EPHA6: variants seen among roughly 807,000 people sequenced by gnomAD.
The protein encoded by EPHA6 is EPH receptor A6.
A neutral mutation model predicts 112.0 loss-of-function variants in EPHA6; 50 were observed. That is an observed-to-expected ratio of 0.45 (90% CI 0.36 to 0.56). The LOEUF is 0.56. Among genes scored for constraint, EPHA6 ranks in the 20% least tolerant of loss-of-function variants. EPHA6 has a pLI of 0.00. For synonymous variants in EPHA6, 529 were observed against 490.7 expected (o/e 1.08, Z -1.03); for missense variants, 1,280 against 1,417.4 (o/e 0.90, Z 1.56).
At chr3:97,399,535 T>C (rs2086870288) in intron 5 of EPHA6, among the ~76,000 whole-genome samples, 1 of 151,826 alleles carries the variant, frequency 6.6e-6, no homozygotes, top group South Asian at 2.1e-4. Context: ...ATGACTGCAC[T>C]AATTTACATT....
intron 5 of EPHA6, among the ~76,000 whole-genome samples, chr3:97,389,931 A>G (rs1192987222): frequency 6.6e-6 from 1 of 152,184 alleles, no homozygotes; most frequent in African/African-American, 2.4e-5. Flanking sequence ...CTAGCAGCCA[A>G]CATGAGAAAA....
At chr3:97,452,455 GTATTTTCTGAT>G (rs1330997209) in intron 7 of EPHA6, among the ~76,000 whole-genome samples, 1 of 151,696 alleles carries the variant, frequency 6.6e-6, no homozygotes, top group Admixed American at 6.6e-5. Flanking sequence ...CGCATTTTAT[GTATTTTCTGAT>G]TTCTCGCTGG....
chr3:97,070,684 T>C (rs2046323418), intron 3 of EPHA6, among the ~76,000 whole-genome samples: 1 of 152,178 alleles, frequency 6.6e-6, no homozygotes, highest in African/African-American at 2.4e-5. Flanking sequence ...CTTGTATATG[T>C]GCAAATGTAC....
chr3:96,981,657 A>C (rs2042789970), intron 2 of EPHA6, among the ~76,000 whole-genome samples: 1 of 152,024 alleles, frequency 6.6e-6, no homozygotes, highest in Admixed American at 6.5e-5. Flanking sequence ...CCTCTGACAG[A>C]ATTCTGCTGT....
At chr3:97,075,248 C>G (rs1258873030) in intron 3 of EPHA6, among the ~76,000 whole-genome samples, 1 of 151,836 alleles carries the variant, frequency 6.6e-6, no homozygotes, top group African/African-American at 2.4e-5. Flanking sequence ...TTGTTTTTGT[C>G]AATTTGAATT....
intron 2 of EPHA6, among the ~76,000 whole-genome samples, chr3:96,938,267 A>C (rs1262421184): frequency 1.3e-5 from 2 of 152,038 alleles, no homozygotes; most frequent in South Asian, 2.1e-4. Context: ...ATTTCTTTGT[A>C]TCCTCTTTTA....
At chr3:97,231,503 TA>T (rs1437281861) in intron 4 of EPHA6, among the ~76,000 whole-genome samples, 1 of 152,124 alleles carries the variant, frequency 6.6e-6, no homozygotes, top group African/African-American at 2.4e-5. Context: ...TTAATGTGCA[TA>T]AGCATGGTGA....
At chr3:97,321,487 T>C (rs2082116394) in intron 5 of EPHA6, among the ~76,000 whole-genome samples, 1 of 152,006 alleles carries the variant, frequency 6.6e-6, no homozygotes, top group African/African-American at 2.4e-5. Context: ...TTAATGTAAT[T>C]TTATCATTTA....
chr3:97,227,901 G>A (rs1647999907), intron 4 of EPHA6, among the ~76,000 whole-genome samples: 1 of 152,178 alleles, frequency 6.6e-6, no homozygotes, highest in South Asian at 2.1e-4. Context: ...TTATCAGGAA[G>A]GAAGCTGGTT....
intron 14 of EPHA6, among the ~76,000 whole-genome samples, chr3:97,713,341 AC>A (rs2107770620): frequency 6.6e-6 from 1 of 152,274 alleles, no homozygotes; most frequent in African/African-American, 2.4e-5. Flanking sequence ...AAACCCTGAG[AC>A]CTCAGTGAAC....
At chr3:97,438,753 A>C (rs1293333745) in intron 6 of EPHA6, among the ~76,000 whole-genome samples, 1 of 152,154 alleles carries the variant, frequency 6.6e-6, no homozygotes, top group Admixed American at 6.5e-5. Context: ...AGTTACTCTT[A>C]AAAGAAAGAA....
intron 3 of EPHA6, among the ~76,000 whole-genome samples, chr3:97,084,100 G>C (rs1559717265): frequency 1.3e-5 from 1 of 74,362 alleles, no homozygotes; most frequent in Non-Finnish European, 2.4e-5. Context: ...GTGTGTGCAT[G>C]GATATATATA....
chr3:97,287,398 G>T (rs1413917458), intron 5 of EPHA6, among the ~76,000 whole-genome samples: 1 of 151,758 alleles, frequency 6.6e-6, no homozygotes, highest in African/African-American at 2.4e-5. Flanking sequence ...CTGGGAGGCG[G>T]AGCTTGCAGT....
At chr3:97,072,734 C>G (rs2046398514) in intron 3 of EPHA6, among the ~76,000 whole-genome samples, 1 of 151,876 alleles carries the variant, frequency 6.6e-6, no homozygotes, top group Non-Finnish European at 1.5e-5. Context: ...ATTTGCAAGT[C>G]ACTTATTTTT....
chr3:97,395,195 A>G (rs2086631493), intron 5 of EPHA6, among the ~76,000 whole-genome samples: 1 of 151,808 alleles, frequency 6.6e-6, no homozygotes, highest in Admixed American at 6.6e-5. Flanking sequence ...AGTCTCATGT[A>G]TATTTCAAAC....
intron 5 of EPHA6, among the ~76,000 whole-genome samples, chr3:97,324,477 TTCGTCTCTTTC>T (rs1379709139): frequency 1.1e-5 from 1 of 93,154 alleles, no homozygotes. Flanking sequence ...TTCTTTTTCT[TTCGTCTCTTTC>T]TCTTTCTTTC....
intron 16 of EPHA6, among the ~76,000 whole-genome samples, chr3:97,736,974 T>C (rs2035289853): frequency 6.6e-6 from 1 of 152,064 alleles, no homozygotes; most frequent in African/African-American, 2.4e-5. Context: ...TTCAAGCCAG[T>C]GCAGGTTTTT....
chr3:97,351,694 A>G (rs547334049), intron 5 of EPHA6, among the ~76,000 whole-genome samples: 1 of 152,274 alleles, frequency 6.6e-6, no homozygotes, highest in East Asian at 1.9e-4. Flanking sequence ...TGAAGTTGCT[A>G]TCTAGGATTA....
At chr3:97,358,372 C>A (rs762003983) in intron 5 of EPHA6, among the ~76,000 whole-genome samples, 14 of 151,958 alleles carry the variant, frequency 9.2e-5, no homozygotes, top group Non-Finnish European at 1.6e-4. Flanking sequence ...TTGCCTCATG[C>A]CCTCTTGGTT....
Sources: gnomAD v4.1 joint callset for allele counts (sites outside exome capture counted in the v4.1 genomes callset) on GRCh38, gnomAD v4.1.1 for gene constraint, MANE v1.5 for transcripts, NCBI Gene and HGNC (gene_info 2026-07-23, HGNC 2026-07-21) for gene names.